Variants in NXN observed in about 807,000 individuals in gnomAD.
NXN encodes the protein nucleoredoxin 1.
Under a neutral mutation model 48.6 loss-of-function variants are expected in NXN, and 16 were observed. The observed-to-expected ratio is 0.33, with a 90% CI of 0.22 to 0.50. The LOEUF (loss-of-function observed/expected upper bound fraction) is 0.50, where lower values mean the gene tolerates loss of function less well. Ranked by LOEUF, NXN falls within the 20% of genes least tolerant of loss-of-function variation. The pLI is 0.98. For missense variants in NXN, 492 were observed against 605.5 expected (o/e 0.81, Z 1.97); for synonymous variants, 281 against 269.6 (o/e 1.04, Z -0.41).
intron 1 of NXN, among the ~76,000 whole-genome samples, chr17:839,693 G>A (rs561094441): frequency 8.0e-5 from 12 of 150,514 alleles, no homozygotes; most frequent in Non-Finnish European, 1.2e-4. Context: ...TCCCAGCTAC[G>A]CAGGAGGTTG....
At position 872,613 on chromosome 17, in the gene NXN, CTTTTTTTTTTTT is replaced by C. The variant is rs34081114; in HGVS notation, c.361-46547_361-46536del. Among the ~76,000 whole-genome samples the C allele has an allele frequency of 3.2e-3, 241 of 75,436 alleles. 2 individuals carry two copies. The highest frequency in any genetic ancestry group is 0.013 in the African/African-American group (233 of 18,298). The allele number at this position is 75,436 out of a possible 152,430, so 49.5% of individuals were successfully genotyped here. ...CTGTGACTATGTTTCCGGGTGAGAT[CTTTTTTTTTTTT>C]TTTTTTTTTTTTGAGACGGAGTTTC... is the stretch of plus-strand genomic sequence containing the variant. On this transcript the variant is annotated intron_variant, in intron 1 of 7. Transcript: ENST00000336868.
intron 1 of NXN, among the ~76,000 whole-genome samples, chr17:903,862 G>A (rs1450642691): frequency 1.3e-5 from 2 of 152,172 alleles, no homozygotes; most frequent in Non-Finnish European, 2.9e-5. Flanking sequence ...ATTCAGGGTA[G>A]ACCAAATCCC....
In NXN at chr17:849,704, G is replaced by A. The variant is rs1370583878; in HGVS notation, c.361-23626C>T. Among the ~76,000 whole-genome samples the A allele has an allele frequency of 6.6e-5, 10 of 152,148 alleles. No individual in the cohort carries two copies. The highest frequency in any genetic ancestry group is 3.9e-4 in the East Asian group (2 of 5,192). On this transcript the variant is annotated intron_variant, in intron 1 of 7. Coordinates refer to ENST00000336868, the MANE Select transcript of NXN (RefSeq NM_022463.5). This position sits in a 1 kb window ranked among gnomAD's most constrained non-coding sequence, Gnocchi z 4.2. ...GACAAGCAATCATCATTTCCTAAACGTGGCAGGATGCAGAGCAGGTAGAGG... is the reference window on the plus strand; with the variant it reads ...GACAAGCAATCATCATTTCCTAAACATGGCAGGATGCAGAGCAGGTAGAGG...
intron 1 of NXN, among the ~76,000 whole-genome samples, chr17:927,466 G>A (rs756205450): frequency 2.6e-5 from 4 of 151,198 alleles, no homozygotes; most frequent in South Asian, 4.2e-4. Flanking sequence ...ATAATCAGGC[G>A]TGGTGGTGCA....
intron 1 of NXN, among the ~76,000 whole-genome samples, chr17:935,069 G>A (rs1396847826): frequency 6.6e-6 from 1 of 150,800 alleles, no homozygotes; most frequent in African/African-American, 2.4e-5. Flanking sequence ...TCGGCTCACT[G>A]CAGCCTCCAC....
At chr17:893,271 T>C (rs531121264) in intron 1 of NXN, among the ~76,000 whole-genome samples, 1 of 152,270 alleles carries the variant, frequency 6.6e-6, no homozygotes, top group East Asian at 1.9e-4. Flanking sequence ...GCGCATGGGT[T>C]GTGGACACTC....
At chr17:828,403 CTTTT>C (rs745596555) in intron 1 of NXN, among the ~76,000 whole-genome samples, 1 of 88,896 alleles carries the variant, frequency 1.1e-5, no homozygotes, top group Non-Finnish European at 2.1e-5. Flanking sequence ...CGTGCCTGGC[CTTTT>C]TTTTTTTTTT....
At chr17:806,756 G>A (rs1051194002) in intron 5 of NXN, among the ~76,000 whole-genome samples, 6 of 152,132 alleles carry the variant, frequency 3.9e-5, no homozygotes, top group Admixed American at 3.9e-4. Flanking sequence ...CTCGTGTTTC[G>A]TACCCTGCTG....
At chr17:843,056 G>GAAAGCAAGC (rs113972004) in intron 1 of NXN, among the ~76,000 whole-genome samples, 8 of 107,206 alleles carry the variant, frequency 7.5e-5, no homozygotes, top group African/African-American at 3.1e-4. Context: ...AAGAAAGAAA[G>GAAAGCAAGC]AAGGAAGAAA....
In NXN at chr17:979,449, G is replaced by C. The variant is rs1315741086; in HGVS notation, c.230C>G (p.Ala77Gly). The change falls in exon 1 of 8, where the codon GCG (alanine) becomes GGG (glycine). Residue 77 changes from alanine to glycine, a missense_variant. By Grantham distance (60) the Ala-to-Gly change is moderately conservative. Around this residue, in one of 3 missense-constraint regions of NXN, gnomAD observed 186 missense variants for 199.1 expected, o/e 0.93. Transcript: ENST00000336868. ...GCGCCGCCGCGGCTCGGGCTCCGCC[G>C]CCGCCCCGGCCCCCGCTCCCGGCCC... ...GPGPGAGAGA[A>G]AEPEPRRRLE... is the part of the protein sequence containing the mutation. The C allele has an allele frequency of 8.1e-7, 1 of 1,231,886 alleles. No individual in the cohort carries two copies. Among genetic ancestry groups the C allele is most frequent in the Non-Finnish European group, 1.0e-6 (1 of 979,012 alleles). 76.3% of individuals were successfully genotyped at this position (1,231,886 alleles called of 1,614,324 possible). A position where few individuals can be genotyped will look rare whatever the true frequency, so the allele number is the denominator to read the frequency against.
intron 1 of NXN, among the ~76,000 whole-genome samples, chr17:961,106 T>C (rs911537529): frequency 1.3e-5 from 2 of 151,488 alleles, no homozygotes; most frequent in Admixed American, 1.3e-4. Context: ...TTTTAATAGC[T>C]ATTCAGGCTG....
At chr17:850,937 C>G (rs2067917145) in intron 1 of NXN, among the ~76,000 whole-genome samples, 1 of 152,192 alleles carries the variant, frequency 6.6e-6, no homozygotes, top group Admixed American at 6.5e-5. Context: ...ACTTGACCTT[C>G]TCCTCCAGGA....
chr17:962,091 G>A (rs971622683), intron 1 of NXN, among the ~76,000 whole-genome samples: 17 of 152,268 alleles, frequency 1.1e-4, no homozygotes, highest in African/African-American at 3.1e-4. Context: ...CCGAGATCGC[G>A]CCACTGCACT....
chr17:936,887 A>C (rs2068913643), intron 1 of NXN, among the ~76,000 whole-genome samples: 1 of 151,982 alleles, frequency 6.6e-6, no homozygotes, highest in African/African-American at 2.4e-5. Flanking sequence ...TGTGTTCACC[A>C]TCACAACACC....
At chr17:870,322 C>A (rs549500206) in intron 1 of NXN, among the ~76,000 whole-genome samples, 1 of 152,124 alleles carries the variant, frequency 6.6e-6, no homozygotes, top group Admixed American at 6.6e-5. Context: ...GTGTTACTAA[C>A]GGGGCAAGCA....
At chr17:891,551 G>C (rs904972808) in intron 1 of NXN, among the ~76,000 whole-genome samples, 1 of 152,344 alleles carries the variant, frequency 6.6e-6, no homozygotes, top group South Asian at 2.1e-4. Flanking sequence ...TAGGACAACT[G>C]TCTTCCTTTT....
intron 5 of NXN, among the ~76,000 whole-genome samples, chr17:806,559 G>T (rs1911537470): frequency 6.6e-6 from 1 of 151,846 alleles, no homozygotes; most frequent in South Asian, 2.1e-4. Context: ...TCTCTCCACT[G>T]GCAGCCGCTC....
At chr17:975,650 C>T (rs2069449278) in intron 1 of NXN, among the ~76,000 whole-genome samples, 1 of 152,192 alleles carries the variant, frequency 6.6e-6, no homozygotes, top group South Asian at 2.1e-4. Flanking sequence ...CCAGAGGAAG[C>T]CAGTGGTCTG....
chr17:870,374 A>C (rs1418773907), intron 1 of NXN, among the ~76,000 whole-genome samples: 1 of 152,124 alleles, frequency 6.6e-6, no homozygotes, highest in East Asian at 1.9e-4. Context: ...ATGAGCCTGA[A>C]TTGTCTCACT....
Sources: allele counts gnomAD v4.1 joint callset (sites outside exome capture counted in the v4.1 genomes callset), GRCh38; gene constraint gnomAD v4.1.1; regional missense constraint gnomAD v4.1.1; non-coding constraint Gnocchi (gnomAD v3.1); transcripts MANE v1.5; gene names NCBI Gene and HGNC (gene_info 2026-07-23, HGNC 2026-07-21).